LDLRAD3: variants seen among roughly 807,000 people sequenced by gnomAD.
LDLRAD3 encodes low density lipoprotein receptor class A domain containing 3.
A neutral mutation model predicts 29.4 loss-of-function variants in LDLRAD3; 20 were observed. The observed-to-expected ratio is 0.68, with a 90% CI of 0.48 to 0.99. The LOEUF (loss-of-function observed/expected upper bound fraction) is 0.99, where lower values mean the gene tolerates loss of function less well. LDLRAD3 is among the 50% of genes least tolerant of loss of function. LDLRAD3 has a pLI of 0.00. For synonymous variants in LDLRAD3, 157 were observed against 192.7 expected (o/e 0.81, Z 1.53); for missense variants, 420 against 454.3 (o/e 0.92, Z 0.69).
At chr11:36,169,935 C>T (rs553634124) in intron 4 of LDLRAD3, among the ~76,000 whole-genome samples, 4 of 152,102 alleles carry the variant, frequency 2.6e-5, no homozygotes, top group Admixed American at 6.6e-5. Flanking sequence ...AGTTCTTTAG[C>T]GGTAATTTCT....
chr11:36,195,211 G>T (rs1468079666), intron 4 of LDLRAD3, among the ~76,000 whole-genome samples: 1 of 152,206 alleles, frequency 6.6e-6, no homozygotes, highest in African/African-American at 2.4e-5. Context: ...ATCATTAGTA[G>T]TAACAGTAGG....
At chr11:36,187,327 T>A (rs1025303758) in intron 4 of LDLRAD3, among the ~76,000 whole-genome samples, 4 of 152,298 alleles carry the variant, frequency 2.6e-5, no homozygotes, top group Non-Finnish European at 5.9e-5. Context: ...CAACCAGACT[T>A]TTCTATATAT....
intron 4 of LDLRAD3, among the ~76,000 whole-genome samples, chr11:36,208,963 G>A (rs187092475): frequency 1.3e-5 from 2 of 152,360 alleles, no homozygotes; most frequent in East Asian, 3.9e-4. Flanking sequence ...AATCCTGGCA[G>A]ATAAAGTGAT....
intron 4 of LDLRAD3, among the ~76,000 whole-genome samples, chr11:36,107,327 A>C (rs1853543752): frequency 6.6e-6 from 1 of 151,696 alleles, no homozygotes; most frequent in Non-Finnish European, 1.5e-5. Context: ...CAGCCTCCCG[A>C]GTAGCTGAGA....
At chr11:36,178,400 C>T (rs2133354932) in intron 4 of LDLRAD3, among the ~76,000 whole-genome samples, 1 of 151,798 alleles carries the variant, frequency 6.6e-6, no homozygotes, top group Non-Finnish European at 1.5e-5. Context: ...CTCCATGGTT[C>T]ATCTGCCCAG....
intron 4 of LDLRAD3, among the ~76,000 whole-genome samples, chr11:36,139,327 G>A (rs559334460): frequency 6.2e-4 from 94 of 152,266 alleles, no homozygotes; most frequent in South Asian, 4.6e-3. Flanking sequence ...GTTCCAGTCC[G>A]CATAATTCAT....
intron 3 of LDLRAD3, among the ~76,000 whole-genome samples, chr11:36,087,439 G>A (rs1853212872): frequency 6.6e-6 from 1 of 152,216 alleles, no homozygotes; most frequent in Non-Finnish European, 1.5e-5. Context: ...ATCAGGGATT[G>A]AAACAAAATG....
At chr11:36,079,193 A>G (rs1266053032) in intron 2 of LDLRAD3, among the ~76,000 whole-genome samples, 1 of 152,222 alleles carries the variant, frequency 6.6e-6, no homozygotes, top group Non-Finnish European at 1.5e-5. Flanking sequence ...TGCCATCAGT[A>G]CTATAGATAC....
chr11:35,980,764 T>C (rs950080710), intron 1 of LDLRAD3, among the ~76,000 whole-genome samples: 1 of 152,216 alleles, frequency 6.6e-6, no homozygotes, highest in African/African-American at 2.4e-5. Context: ...GAAATACAGA[T>C]ATAGCTATGA....
chr11:36,106,016 C>T (rs1590271844), intron 4 of LDLRAD3, among the ~76,000 whole-genome samples: 1 of 152,150 alleles, frequency 6.6e-6, no homozygotes, highest in African/African-American at 2.4e-5. Context: ...CCAAGGGAGA[C>T]TGGAAGTGCT....
chr11:35,982,851 T>C (rs1421544164), intron 1 of LDLRAD3, among the ~76,000 whole-genome samples: 5 of 57,412 alleles, frequency 8.7e-5, no homozygotes, highest in African/African-American at 2.5e-4. Context: ...TTTGCTGCTT[T>C]TTTTTTTTTT....
At chr11:36,119,623 A>G (rs1240735410) in intron 4 of LDLRAD3, among the ~76,000 whole-genome samples, 1 of 151,828 alleles carries the variant, frequency 6.6e-6, no homozygotes, top group Admixed American at 6.6e-5. Context: ...ACTTATTGTC[A>G]CTTGTATGCT....
chr11:36,073,253 C>G (rs140648512), intron 2 of LDLRAD3, among the ~76,000 whole-genome samples: 1 of 152,270 alleles, frequency 6.6e-6, no homozygotes, highest in East Asian at 1.9e-4. Context: ...GGAAATAAAC[C>G]CAACTCACAG....
chr11:36,174,707 C>T (rs529076321), intron 4 of LDLRAD3, among the ~76,000 whole-genome samples: 18 of 152,256 alleles, frequency 1.2e-4, no homozygotes, highest in South Asian at 2.1e-4. Context: ...TTAGGCCAGG[C>T]GCAGTGGCTC....
chr11:36,148,950 C>A (rs753605840), intron 4 of LDLRAD3, among the ~76,000 whole-genome samples: 3 of 152,186 alleles, frequency 2.0e-5, no homozygotes, highest in Non-Finnish European at 4.4e-5. Flanking sequence ...GTGAAATGGT[C>A]CTTCATTCAG....
chr11:35,950,940 G>A (rs563813813), intron 1 of LDLRAD3, among the ~76,000 whole-genome samples: 5 of 151,952 alleles, frequency 3.3e-5, no homozygotes, highest in African/African-American at 7.3e-5. Flanking sequence ...AACGTTAGCC[G>A]GGAGTGGTGG....
chr11:36,112,183 T>C (rs1853615682), intron 4 of LDLRAD3, among the ~76,000 whole-genome samples: 1 of 152,242 alleles, frequency 6.6e-6, no homozygotes, highest in Admixed American at 6.5e-5. Context: ...TGTTGCAACA[T>C]TATTCCTGGA....
At chr11:35,972,163 C>G (rs1389587834) in intron 1 of LDLRAD3, among the ~76,000 whole-genome samples, 1 of 151,926 alleles carries the variant, frequency 6.6e-6, no homozygotes, top group Non-Finnish European at 1.5e-5. Flanking sequence ...TTGTTAAGCA[C>G]AAAACTCTGT....
intron 1 of LDLRAD3, among the ~76,000 whole-genome samples, chr11:36,033,176 C>T (rs1181949306): frequency 6.6e-6 from 1 of 152,162 alleles, no homozygotes; most frequent in Non-Finnish European, 1.5e-5. Flanking sequence ...ACCGGCCCTC[C>T]TCATGCTTTG....
Sources: allele counts gnomAD v4.1 joint callset (sites outside exome capture counted in the v4.1 genomes callset), GRCh38; gene constraint gnomAD v4.1.1; transcripts MANE v1.5; gene names NCBI Gene and HGNC (gene_info 2026-07-23, HGNC 2026-07-21).